SAA4: variants seen among roughly 807,000 people sequenced by gnomAD.
SAA4 encodes the protein serum amyloid A-4 protein.
Under a neutral mutation model 11.2 loss-of-function variants are expected in SAA4, and 8 were observed. The ratio of observed to expected loss-of-function variants is 0.71; its 90% CI spans 0.42 to 1.29. SAA4 has a LOEUF of 1.29. Ranked by LOEUF, SAA4 falls within the 50% of genes most tolerant of loss-of-function variation. SAA4 has a pLI of 0.01. For missense variants in SAA4, 171 were observed against 164.2 expected (o/e 1.04, Z -0.23); for synonymous variants, 60 against 56.2 (o/e 1.07, Z -0.30).
intron 3 of SAA4, 115 bp downstream of exon 3, chr11:18,232,280 G>A: frequency 6.8e-7 from 1 of 1,467,088 alleles, no homozygotes; most frequent in Non-Finnish European, 9.1e-7. Context: ...GGCTCTGCCA[G>A]CCACCCAGAC....
rs554163236 is a variant in SAA4, at chr11:18,235,342, T to C, written c.91+494A>G. Among the ~76,000 whole-genome samples the C allele has an allele frequency of 9.0e-4, 75 of 83,144 alleles. 1 individual carries two copies. The South Asian group carries it at 0.042, about 46-fold the overall frequency. The allele number at this position is 83,144 out of a possible 152,430, so 54.5% of individuals were successfully genotyped here. The stretch of plus-strand genomic sequence containing the variant: ...TCTCAGCCCTCCTGTGGCTAATCAG[T>C]AGAAATTTGCTCTTTTTATTTATGG... On this transcript the variant is annotated intron_variant, in intron 2 of 3. Coordinates refer to ENST00000278222, the MANE Select transcript of SAA4 (RefSeq NM_006512.4).
intron 2 of SAA4, 120 bp from the exon 3 acceptor site, chr11:18,232,653 C>A (rs572429294): frequency 1.4e-6 from 2 of 1,421,412 alleles, no homozygotes; most frequent in East Asian, 2.3e-5. Context: ...TGAAATCATA[C>A]GTGGAGATAA....
Position 18,235,892 on chromosome 11 carries a change from A to C in SAA4, c.35T>G (p.Leu12Trp), listed in dbSNP as rs758778021. 16 of 1,613,676 alleles carry C rather than the reference A, an allele frequency of 9.9e-6. No homozygotes were observed. The highest frequency in any genetic ancestry group is 1.7e-5 in the Admixed American group (1 of 59,988). The change falls in exon 2 of 4, where the codon TTG (leucine) becomes TGG (tryptophan). Residue 12 changes from leucine (L) to tryptophan (W), a missense_variant. Coordinates refer to ENST00000278222, the MANE Select transcript of SAA4 (RefSeq NM_006512.4). Reference sequence around the variant, plus strand: ...GCTTTCACTGGTGACTCCCATGACCAAGGAGCAGAAAACAATGCCTGTGAA... The same window carrying C: ...GCTTTCACTGGTGACTCCCATGACCCAGGAGCAGAAAACAATGCCTGTGAA... ...RLFTGIVFCSLVMGVTSESWR... is the reference protein window; with the variant it reads ...RLFTGIVFCSWVMGVTSESWR...
chr11:18,232,421 C>T lies in SAA4; in HGVS notation c.204G>A (p.Gly68=). Residue 68 remains glycine, a synonymous_variant, in exon 3 of 4, where the codon GGG becomes GGA. Coordinates refer to ENST00000278222, the MANE Select transcript of SAA4 (RefSeq NM_006512.4). Reference sequence around the variant, plus strand: ...TGATGAGTTTAGCAGCCCAGACACCCCCAGGTCCTCTTTGGGCAGCATCAT... The same window carrying T: ...TGATGAGTTTAGCAGCCCAGACACCTCCAGGTCCTCTTTGGGCAGCATCAT... The part of the protein sequence containing the change: ...GNYDAAQRGP[G]GVWAAKLISR... The T allele has an allele frequency of 3.1e-6, 5 of 1,614,132 alleles. No homozygotes were observed. Among genetic ancestry groups the T allele is most frequent in the Non-Finnish European group, 4.2e-6 (5 of 1,180,022 alleles).
intron 1 of SAA4, 127 bp from the exon 2 acceptor site, chr11:18,236,057 C>A (rs1857204618): frequency 8.5e-6 from 8 of 942,472 alleles, no homozygotes; most frequent in Middle Eastern, 2.6e-4. Flanking sequence ...TCCTTTCTTT[C>A]TTTCCTCCCT....
chr11:18,236,117 A>G (rs143196028), intron 1 of SAA4, among the ~76,000 whole-genome samples, 187 bp from the exon 2 acceptor site: 5 of 142,096 alleles, frequency 3.5e-5, no homozygotes, highest in Admixed American at 2.2e-4. Flanking sequence ...GTGCAATGAT[A>G]TGATTAAGGC....
At chr11:18,233,678 ATT>A (rs34631292) in intron 2 of SAA4, among the ~76,000 whole-genome samples, 6 of 140,696 alleles carry the variant, frequency 4.3e-5, no homozygotes, top group Admixed American at 7.1e-5. Context: ...CACCCAGCTA[ATT>A]TTTTTTTTTT....
At chr11:18,234,856 A>G (rs1358330894) in intron 2 of SAA4, among the ~76,000 whole-genome samples, 1 of 152,162 alleles carries the variant, frequency 6.6e-6, no homozygotes, top group African/African-American at 2.4e-5. Context: ...TCTCATTGGC[A>G]TTGTGCTTAA....
chr11:18,232,871 C>G (rs1439570789), intron 2 of SAA4, among the ~76,000 whole-genome samples: 2 of 151,888 alleles, frequency 1.3e-5, no homozygotes, highest in Non-Finnish European at 2.9e-5. Context: ...AGTTGTCATG[C>G]CCTGGGCTAC....
At chr11:18,232,185 T>C (rs1027277249) in intron 3 of SAA4, among the ~76,000 whole-genome samples, 16 of 152,130 alleles carry the variant, frequency 1.1e-4, no homozygotes, top group Non-Finnish European at 1.8e-4. Context: ...ACCCAGCCCC[T>C]GCAACAGTGT....
intron 3 of SAA4, 112 bp from the exon 4 acceptor site, chr11:18,231,776 G>C: frequency 7.3e-7 from 1 of 1,375,000 alleles, no homozygotes; most frequent in Non-Finnish European, 9.7e-7. Flanking sequence ...ATGACTGAGA[G>C]GAGGCTGGAA....
chr11:18,232,324 A>C, intron 3 of SAA4, 71 bp downstream of exon 3: 1 of 1,563,964 alleles, frequency 6.4e-7, no homozygotes. Flanking sequence ...AAAGAGCCAC[A>C]GGTTCTCCTG....
chr11:18,234,170 A>C (rs1272842206), intron 2 of SAA4, among the ~76,000 whole-genome samples: 1 of 152,254 alleles, frequency 6.6e-6, no homozygotes, highest in Non-Finnish European at 1.5e-5. Context: ...GAGTGAAACA[A>C]AGCCGGATAC....
At position 18,231,554 on chromosome 11, in the gene SAA4, C is replaced by T. The variant is rs1317380377; in HGVS notation, c.341G>A (p.Ser114Asn). 6.2e-7 allele frequency: 1 copy of T among 1,614,176 alleles called. No individual in the cohort carries two copies. Among genetic ancestry groups the T allele is most frequent in the East Asian group, 2.2e-5 (1 of 44,884 alleles). Residue 114 changes from serine (S) to asparagine (N), a missense_variant, in exon 4 of 4, where the codon AGT becomes AAT. Physicochemically the swap from Ser to Asn is conservative, Grantham distance 46 (BLOSUM62 1). Coordinates refer to ENST00000278222, the MANE Select transcript of SAA4 (RefSeq NM_006512.4). ...SNEKAEEWGR[S>N]GKDPDRFRPD... ...TCTGAAGCGGTCGGGGTCTTTGCCA[C>T]TCCGGCCCCATTCCTCAGCTTTCTC... is the stretch of plus-strand genomic sequence containing the variant.
At chr11:18,233,678 A>ATT (rs34631292) in intron 2 of SAA4, among the ~76,000 whole-genome samples, 1,563 of 140,692 alleles carry the variant, frequency 0.011, 19 homozygotes, top group African/African-American at 0.032. Context: ...CACCCAGCTA[A>ATT]TTTTTTTTTT....
intron 2 of SAA4, among the ~76,000 whole-genome samples, chr11:18,234,582 C>T (rs760441200): frequency 2.0e-5 from 3 of 152,274 alleles, no homozygotes; most frequent in Admixed American, 6.5e-5. Context: ...TTTAAACCAA[C>T]TCACTTGGAA....
Position 18,232,423 on chromosome 11 carries a change from C to G in SAA4, c.202G>C (p.Gly68Arg), listed in dbSNP as rs1857147677. 1 of 1,614,168 alleles carries G rather than the reference C, an allele frequency of 6.2e-7. No homozygotes were observed. The highest frequency in any genetic ancestry group is 1.6e-4 in the Middle Eastern group (1 of 6,062). Residue 68 changes from glycine to arginine, a missense_variant, in exon 3 of 4, where the codon GGG (glycine) becomes CGG (arginine). By Grantham distance (125) the Gly-to-Arg change is moderately radical. Coordinates refer to ENST00000278222, the MANE Select transcript of SAA4 (RefSeq NM_006512.4). ...ATGAGTTTAGCAGCCCAGACACCCC[C>G]AGGTCCTCTTTGGGCAGCATCATAG... The part of the protein sequence containing the change: ...GNYDAAQRGP[G>R]GVWAAKLISR...
At chr11:18,234,503 A>C (rs1857183380) in intron 2 of SAA4, among the ~76,000 whole-genome samples, 1 of 152,262 alleles carries the variant, frequency 6.6e-6, no homozygotes, top group Non-Finnish European at 1.5e-5. Flanking sequence ...GAAAATGTCT[A>C]TCAGTGCCTG....
At chr11:18,235,759 A>T in intron 2 of SAA4, 77 bp downstream of exon 2, 1 of 1,407,446 alleles carries the variant, frequency 7.1e-7, no homozygotes. Flanking sequence ...TCTAAGGAGC[A>T]CTCACATCCA....
Sources: allele counts gnomAD v4.1 joint callset (sites outside exome capture counted in the v4.1 genomes callset), GRCh38; gene constraint gnomAD v4.1.1; transcripts MANE v1.5; gene names NCBI Gene and HGNC (gene_info 2026-07-23, HGNC 2026-07-21).